ANTXR1: variants seen among roughly 807,000 people sequenced by gnomAD.
ANTXR1 encodes the protein ANTXR cell adhesion molecule 1.
ANTXR1 carries 19 observed loss-of-function variants against 78.1 expected under a neutral mutation model. The observed-to-expected ratio is 0.24, with a 90% CI of 0.17 to 0.36. The LOEUF (loss-of-function observed/expected upper bound fraction) is 0.36, where lower values mean the gene tolerates loss of function less well. Among genes scored for constraint, ANTXR1 ranks in the 10% least tolerant of loss-of-function variants. ANTXR1 has a pLI of 1.00. For missense variants in ANTXR1, 518 were observed against 718.6 expected (o/e 0.72, Z 3.19); for synonymous variants, 273 against 260.5 (o/e 1.05, Z -0.46).
intron 8 of ANTXR1, 196 bp from the exon 9 acceptor site, chr2:69,090,663 A>C: frequency 1.6e-6 from 1 of 626,048 alleles, no homozygotes; most frequent in South Asian, 1.9e-5. Context: ...AGGATACCCA[A>C]CAGCATCTAG....
chr2:69,214,979 G>A (rs961079982), intron 17 of ANTXR1, among the ~76,000 whole-genome samples: 1 of 152,062 alleles, frequency 6.6e-6, no homozygotes, highest in Non-Finnish European at 1.5e-5. Flanking sequence ...ATAGCCTCTT[G>A]GACAGCATCC....
chr2:69,098,801 C>T (rs1393614048), intron 9 of ANTXR1, among the ~76,000 whole-genome samples: 2 of 152,160 alleles, frequency 1.3e-5, no homozygotes, highest in Admixed American at 1.3e-4. Context: ...GCCTGGCCAA[C>T]AGGGTGAAAC....
chr2:69,219,204 G>A (rs979318800), intron 17 of ANTXR1, among the ~76,000 whole-genome samples: 7 of 152,098 alleles, frequency 4.6e-5, no homozygotes, highest in Admixed American at 2.0e-4. Flanking sequence ...TATTTGATTT[G>A]GGGTTGATTT....
rs1224076528 is a variant in ANTXR1, at chr2:69,197,724, T to A, written c.1434+4309T>A. On this transcript the variant is annotated intron_variant, in intron 17 of 17. Coordinates refer to ENST00000303714, the MANE Select transcript of ANTXR1 (RefSeq NM_032208.3). ...GGAAGTTAGAACCTCTGTCCCAGGA[T>A]GGTCCAGGATGGTCCCCAAGGCTTC... is the stretch of plus-strand genomic sequence containing the variant. 2.6e-5 allele frequency among the ~76,000 whole-genome samples: 4 copies of A among 152,244 alleles called. No homozygotes were observed. The East Asian group carries it at 5.8e-4, about 22-fold the overall frequency.
chr2:69,107,992 T>C (rs1051796167), intron 10 of ANTXR1, among the ~76,000 whole-genome samples: 2 of 152,202 alleles, frequency 1.3e-5, no homozygotes, highest in African/African-American at 4.8e-5. Flanking sequence ...TATTATCTAA[T>C]ATTGATCTGA....
chr2:69,135,980 T>C (rs1417365241), intron 12 of ANTXR1, among the ~76,000 whole-genome samples: 2 of 152,112 alleles, frequency 1.3e-5, no homozygotes, highest in African/African-American at 4.8e-5. Context: ...ATGACAAAAA[T>C]ATCATACTTC....
At chr2:69,214,281 G>A (rs1297768103) in intron 17 of ANTXR1, among the ~76,000 whole-genome samples, 2 of 152,242 alleles carry the variant, frequency 1.3e-5, no homozygotes, top group Non-Finnish European at 2.9e-5. Context: ...TCTGAGCACT[G>A]GTACCTGGTT....
At chr2:69,195,183 G>T (rs1434106466) in intron 17 of ANTXR1, among the ~76,000 whole-genome samples, 1 of 139,754 alleles carries the variant, frequency 7.2e-6, no homozygotes, top group Non-Finnish European at 1.5e-5. Flanking sequence ...AAAGAAAAAA[G>T]AAAAAGAAAA....
At chr2:69,016,442 G>T (rs751446925) in intron 1 of ANTXR1, among the ~76,000 whole-genome samples, 1 of 152,152 alleles carries the variant, frequency 6.6e-6, no homozygotes, top group African/African-American at 2.4e-5. Context: ...TATGTTTATG[G>T]AGGTGCTGTT....
intron 8 of ANTXR1, among the ~76,000 whole-genome samples, chr2:69,088,258 A>T (rs1218820398): frequency 1.3e-5 from 2 of 152,202 alleles, no homozygotes; most frequent in African/African-American, 4.8e-5. Context: ...TGGTTCAAAA[A>T]GGTTGGTTGA....
intron 1 of ANTXR1, among the ~76,000 whole-genome samples, chr2:69,022,038 A>C (rs920638837): frequency 6.6e-6 from 1 of 152,238 alleles, no homozygotes; most frequent in Non-Finnish European, 1.5e-5. Context: ...AATGGAGATT[A>C]GACATGCTCT....
chr2:69,145,363 C>A (rs371983292), intron 12 of ANTXR1: 74 of 1,599,408 alleles, frequency 4.6e-5, no homozygotes, highest in Middle Eastern at 1.6e-4. Flanking sequence ...ACAACAGCTG[C>A]TTGCATGGAA....
chr2:69,105,320 A>G (rs1671772919), intron 10 of ANTXR1, among the ~76,000 whole-genome samples: 1 of 152,220 alleles, frequency 6.6e-6, no homozygotes, highest in Admixed American at 6.5e-5. Flanking sequence ...TTTGGCTTAA[A>G]TCACAAACCC....
rs549998383 is a variant in ANTXR1 at position 69,110,862 on chromosome 2, A to G, written c.802+7922A>G. Reference sequence around the variant, plus strand: ...GGGCGACAGAGCAAGACTCCGTCTCAAAAAAAAAGTTACAAAACAATACAC... The same window carrying G: ...GGGCGACAGAGCAAGACTCCGTCTCGAAAAAAAAGTTACAAAACAATACAC... On this transcript the variant is annotated intron_variant, in intron 10 of 17. Transcript: ENST00000303714. Among the ~76,000 whole-genome samples the G allele has an allele frequency of 3.9e-4, 59 of 151,274 alleles. No individual in the cohort carries two copies. In the South Asian group the frequency reaches 8.3e-3, roughly 21 times the overall value.
chr2:69,090,593 G>T, intron 8 of ANTXR1: 1 of 531,106 alleles, frequency 1.9e-6, no homozygotes, highest in Non-Finnish European at 3.4e-6. Flanking sequence ...GACTGGCATA[G>T]CATAGGCTCA....
At chr2:69,062,098 T>C (rs370568267) in intron 3 of ANTXR1, among the ~76,000 whole-genome samples, 2 of 152,304 alleles carry the variant, frequency 1.3e-5, no homozygotes, top group East Asian at 3.9e-4. Flanking sequence ...ATGCGTGGTC[T>C]AGGTTTGGGT....
chr2:69,060,199 C>T (rs1670192126), intron 3 of ANTXR1, among the ~76,000 whole-genome samples: 1 of 152,126 alleles, frequency 6.6e-6, no homozygotes, highest in South Asian at 2.1e-4. Context: ...TTTCTGCTTG[C>T]TCTTTTGTTC....
intron 12 of ANTXR1, chr2:69,145,735 T>C: frequency 9.6e-7 from 1 of 1,045,856 alleles, no homozygotes; most frequent in Non-Finnish European, 1.2e-6. Flanking sequence ...CTCCATTCTA[T>C]CCTCCTCCCT....
intron 17 of ANTXR1, among the ~76,000 whole-genome samples, chr2:69,200,370 A>G (rs1009030332): frequency 6.6e-6 from 1 of 152,238 alleles, no homozygotes; most frequent in Non-Finnish European, 1.5e-5. Flanking sequence ...TAAGGGCGTG[A>G]GGCCAGTCAC....
Sources: gnomAD v4.1 joint callset for allele counts (sites outside exome capture counted in the v4.1 genomes callset) on GRCh38, gnomAD v4.1.1 for gene constraint, MANE v1.5 for transcripts, NCBI Gene and HGNC (gene_info 2026-07-23, HGNC 2026-07-21) for gene names.